Variants in LRRFIP1 observed in about 807,000 individuals in gnomAD.
The protein encoded by LRRFIP1 is leucine-rich repeat flightless-interacting protein 1.
Under a neutral mutation model 104.4 loss-of-function variants are expected in LRRFIP1, and 62 were observed. The ratio of observed to expected loss-of-function variants is 0.59; its 90% CI spans 0.48 to 0.73. LRRFIP1 has a LOEUF of 0.73. Among genes scored for constraint, LRRFIP1 ranks in the 30% least tolerant of loss-of-function variants. The pLI is 0.00. For missense variants in LRRFIP1, 796 were observed against 824.5 expected, an observed-to-expected ratio of 0.97 and a Z score of 0.42; for synonymous variants, 300 against 299.0, an observed-to-expected ratio of 1.00 and a Z score of -0.03.
At chr2:237,683,155 A>G (rs1040664814) in intron 1 of LRRFIP1, among the ~76,000 whole-genome samples, 1 of 152,244 alleles carries the variant, frequency 6.6e-6, no homozygotes, top group African/African-American at 2.4e-5. Context: ...AGGGTTTCCC[A>G]AAAAGCCCGA....
chr2:237,665,691 A>G (rs2089087373), intron 1 of LRRFIP1, among the ~76,000 whole-genome samples: 1 of 152,124 alleles, frequency 6.6e-6, no homozygotes, highest in African/African-American at 2.4e-5. Flanking sequence ...GTGTGTTAAC[A>G]TTTTTTTCAG....
At chr2:237,644,212 G>A (rs1231150069) in intron 1 of LRRFIP1, among the ~76,000 whole-genome samples, 2 of 152,214 alleles carry the variant, frequency 1.3e-5, no homozygotes, top group Admixed American at 1.3e-4. Context: ...CACACTGCCG[G>A]CGCGATGAGC....
At chr2:237,708,435 T>TA (rs1202727659) in intron 1 of LRRFIP1, 109 bp from the exon 2 acceptor site, 1 of 744,336 alleles carries the variant, frequency 1.3e-6, no homozygotes, top group Non-Finnish European at 2.2e-6. Flanking sequence ...TATTGCTGTA[T>TA]ATCTGTTAAA....
intron 2 of LRRFIP1, among the ~76,000 whole-genome samples, chr2:237,712,027 A>G (rs1559632506): frequency 6.6e-6 from 1 of 152,200 alleles, no homozygotes; most frequent in Admixed American, 6.5e-5. Context: ...TAAATAAGAT[A>G]GATGTGTATT....
At chr2:237,763,122 A>G (rs1409487089) in intron 19 of LRRFIP1, 25 of 1,614,248 alleles carry the variant, frequency 1.5e-5, no homozygotes, top group Non-Finnish European at 2.1e-5. Context: ...AGCACAGGGC[A>G]TAGTTTAGAG....
chr2:237,723,179 C>T (rs2094595896), intron 6 of LRRFIP1, among the ~76,000 whole-genome samples: 1 of 152,134 alleles, frequency 6.6e-6, no homozygotes, highest in Admixed American at 6.6e-5. Flanking sequence ...TTTAGATTTT[C>T]TGGAAAATCT....
At chr2:237,758,227 T>A (rs1048924937) in intron 17 of LRRFIP1, among the ~76,000 whole-genome samples, 8 of 151,916 alleles carry the variant, frequency 5.3e-5, no homozygotes, top group Non-Finnish European at 7.4e-5. Flanking sequence ...CTTAGGAGTG[T>A]GTGTGTGTGT....
intron 1 of LRRFIP1, among the ~76,000 whole-genome samples, chr2:237,685,702 C>T (rs2092316075): frequency 6.6e-6 from 1 of 152,160 alleles, no homozygotes; most frequent in African/African-American, 2.4e-5. Flanking sequence ...TGGTCGGCAG[C>T]CCCTCAGGCC....
At chr2:237,733,947 T>G in intron 9 of LRRFIP1, 129 bp downstream of exon 9, 1 of 934,336 alleles carries the variant, frequency 1.1e-6, no homozygotes, top group Non-Finnish European at 1.7e-6. Flanking sequence ...CACGTGGAGC[T>G]TACATGTGCC....
intron 1 of LRRFIP1, among the ~76,000 whole-genome samples, chr2:237,657,624 A>G (rs753913221): frequency 7.2e-5 from 11 of 152,372 alleles, no homozygotes; most frequent in Non-Finnish European, 1.3e-4. Flanking sequence ...AGAAAGCGTG[A>G]CAGAATTGTT....
chr2:237,764,537 A>G (rs1576383971), intron 19 of LRRFIP1: 6 of 1,046,122 alleles, frequency 5.7e-6, no homozygotes, highest in South Asian at 3.7e-5. Context: ...AGACTTCTGT[A>G]TTATGAATAT....
At chr2:237,712,005 A>G (rs1380811757) in intron 2 of LRRFIP1, among the ~76,000 whole-genome samples, 3 of 152,194 alleles carry the variant, frequency 2.0e-5, no homozygotes, top group Non-Finnish European at 2.9e-5. Context: ...CAAAAGAGGG[A>G]TCGAAAGATC....
At chr2:237,773,067 A>G (rs1393632686) in intron 22 of LRRFIP1, 122 bp downstream of exon 22, 7 of 717,930 alleles carry the variant, frequency 9.8e-6, no homozygotes, top group Non-Finnish European at 1.7e-5. Flanking sequence ...ATGTCCTAAG[A>G]GGGATAAGTT....
At position 237,638,139 on chromosome 2, in the gene LRRFIP1, A is replaced by G. The variant is rs141441854; in HGVS notation, c.96+10399A>G. ...ATTGTTACACTGTAATATATAATGAAATAATTATACAATTCACCATAATGT... is the reference window on the plus strand; with the variant it reads ...ATTGTTACACTGTAATATATAATGAGATAATTATACAATTCACCATAATGT... On this transcript the variant is annotated intron_variant, in intron 1 of 23. Transcript: ENST00000308482. 5.4e-3 allele frequency among the ~76,000 whole-genome samples: 827 copies of G among 152,338 alleles called. 8 individuals are homozygous for G. The highest frequency in any genetic ancestry group is 9.6e-3 in the Non-Finnish European group (652 of 68,030).
chr2:237,751,387 T>C, intron 14 of LRRFIP1, 116 bp downstream of exon 14: 2 of 789,774 alleles, frequency 2.5e-6, no homozygotes, highest in Non-Finnish European at 4.0e-6. Flanking sequence ...GGCTCCAGGG[T>C]GTAGAAGAAC....
At chr2:237,760,996 G>A (rs762933817) in intron 19 of LRRFIP1, among the ~76,000 whole-genome samples, 1 of 152,206 alleles carries the variant, frequency 6.6e-6, no homozygotes, top group African/African-American at 2.4e-5. Flanking sequence ...CAGCGTGCAA[G>A]TGAGGCCTCA....
chr2:237,744,528 T>C lies in LRRFIP1; in HGVS notation c.634-3836T>C, dbSNP rs966798804. Among the ~76,000 whole-genome samples, 6 of 152,346 alleles carry C rather than the reference T, an allele frequency of 3.9e-5. No individual in the cohort carries two copies. The East Asian group carries it at 1.2e-3, about 29-fold the overall frequency. On this transcript the variant is annotated intron_variant, in intron 11 of 23. Coordinates refer to ENST00000308482, the MANE Select transcript of LRRFIP1 (RefSeq NM_001137550.2). The stretch of plus-strand genomic sequence containing the variant: ...ACAGGAGCCTAGATAGCAAACTCCT[T>C]TAGACACAGTGTTAGAAAGTTGGAA...
chr2:237,660,622 C>G (rs1307853975), intron 1 of LRRFIP1, among the ~76,000 whole-genome samples: 1 of 152,152 alleles, frequency 6.6e-6, no homozygotes, highest in African/African-American at 2.4e-5. Context: ...TATGAAATTC[C>G]AAGTCATTTG....
chr2:237,735,388 G>T lies in LRRFIP1; in HGVS notation c.555+55G>T, dbSNP rs1203877474. The T allele has an allele frequency of 8.4e-6, 13 of 1,551,732 alleles. No individual in the cohort carries two copies. The East Asian group carries it at 2.5e-4, about 30-fold the overall frequency. ...CCCCGTGCCTGCTGCATGGCCTGGG[G>T]ATGCTCGCTGGGCAGGGTCCAGCCG... On this transcript the variant is annotated intron_variant, in intron 10 of 23. Transcript: ENST00000308482. The surrounding 1 kb of genome is among the most constrained non-coding windows in gnomAD (Gnocchi z 4.6).
Sources: gnomAD v4.1 joint callset for allele counts (sites outside exome capture counted in the v4.1 genomes callset) on GRCh38, gnomAD v4.1.1 for gene constraint, Gnocchi (gnomAD v3.1) non-coding constraint, MANE v1.5 for transcripts, NCBI Gene and HGNC (gene_info 2026-07-23, HGNC 2026-07-21) for gene names.